PRKG1: variants seen among roughly 807,000 people sequenced by gnomAD.
PRKG1 encodes protein kinase cGMP-dependent 1, also known as cGMP-dependent protein kinase 1.
Under a neutral mutation model 88.1 loss-of-function variants are expected in PRKG1, and 35 were observed. The ratio of observed to expected loss-of-function variants is 0.40; its 90% CI spans 0.30 to 0.53. The LOEUF is 0.53. PRKG1 is among the 20% of genes least tolerant of loss of function. The pLI, the probability that PRKG1 is intolerant of heterozygous loss-of-function variation, is 0.59. For missense variants in PRKG1, 540 were observed against 839.8 expected (o/e 0.64, Z 4.41); for synonymous variants, 303 against 292.5 (o/e 1.04, Z -0.37).
intron 5 of PRKG1, among the ~76,000 whole-genome samples, chr10:51,998,922 G>A (rs1286893053): frequency 6.6e-6 from 1 of 152,146 alleles, no homozygotes. Flanking sequence ...GGGAACCCCA[G>A]AGCAATAAGC....
At chr10:51,798,469 A>T (rs1221578655) in intron 3 of PRKG1, among the ~76,000 whole-genome samples, 1 of 152,064 alleles carries the variant, frequency 6.6e-6, no homozygotes, top group East Asian at 1.9e-4. Context: ...CAACTTTGAT[A>T]AAAGGAAAAA....
intron 5 of PRKG1, among the ~76,000 whole-genome samples, chr10:51,916,140 C>T (rs1054994549): frequency 6.6e-6 from 1 of 152,096 alleles, no homozygotes; most frequent in Non-Finnish European, 1.5e-5. Flanking sequence ...TAAAATGAGC[C>T]TAAAACCTAC....
chr10:51,695,120 TC>T (rs1303407796), intron 3 of PRKG1, among the ~76,000 whole-genome samples: 6 of 152,174 alleles, frequency 3.9e-5, no homozygotes, highest in African/African-American at 1.4e-4. Context: ...AGATAGGCTG[TC>T]CCTGTGTTCA....
intron 3 of PRKG1, among the ~76,000 whole-genome samples, chr10:51,769,077 A>G (rs145339836): frequency 2.0e-5 from 3 of 152,198 alleles, no homozygotes; most frequent in Non-Finnish European, 2.9e-5. Context: ...GGTGATTTCA[A>G]TATTCACTAG....
At chr10:51,981,323 T>A (rs543424419) in intron 5 of PRKG1, among the ~76,000 whole-genome samples, 1 of 152,276 alleles carries the variant, frequency 6.6e-6, no homozygotes, top group Admixed American at 6.5e-5. Context: ...TGGTGGCTCA[T>A]GCCTATAATC....
At chr10:51,712,750 C>T (rs866958140) in intron 3 of PRKG1, among the ~76,000 whole-genome samples, 7 of 151,728 alleles carry the variant, frequency 4.6e-5, no homozygotes, top group African/African-American at 9.7e-5. Context: ...CCACCACGCC[C>T]GGCTAATTTT....
intron 2 of PRKG1, among the ~76,000 whole-genome samples, chr10:51,238,148 T>C (rs1839047436): frequency 6.6e-6 from 1 of 152,220 alleles, no homozygotes; most frequent in African/African-American, 2.4e-5. Flanking sequence ...GTTAGAAGCA[T>C]GATTCTTTTT....
chr10:51,778,985 G>T (rs1838514663), intron 3 of PRKG1, among the ~76,000 whole-genome samples: 1 of 152,072 alleles, frequency 6.6e-6, no homozygotes, highest in African/African-American at 2.4e-5. Flanking sequence ...CTTTTGCACT[G>T]GAAAAGAGGT....
intron 3 of PRKG1, among the ~76,000 whole-genome samples, chr10:51,719,832 A>G (rs926380707): frequency 2.0e-5 from 3 of 152,184 alleles, no homozygotes; most frequent in African/African-American, 7.2e-5. Flanking sequence ...AAGAAAACAA[A>G]TAAAAGAGAG....
intron 8 of PRKG1, among the ~76,000 whole-genome samples, chr10:52,141,823 A>T (rs1007929517): frequency 6.6e-6 from 1 of 152,190 alleles, no homozygotes; most frequent in Non-Finnish European, 1.5e-5. Context: ...AAAAGGGAAC[A>T]TACAAACCAG....
At chr10:51,992,557 C>A (rs1184499673) in intron 5 of PRKG1, among the ~76,000 whole-genome samples, 1 of 151,998 alleles carries the variant, frequency 6.6e-6, no homozygotes, top group Non-Finnish European at 1.5e-5. Flanking sequence ...TTTTAGATTA[C>A]CCCCAACTTT....
intron 7 of PRKG1, among the ~76,000 whole-genome samples, chr10:52,108,910 TA>T (rs57539477): frequency 1 from 150,693 of 150,696 alleles, 75,345 homozygotes; most frequent in Non-Finnish European, 1. Flanking sequence ...CACTGCAACC[TA>T]CTGCCTCCCA....
chr10:51,331,264 C>G (rs758768791), intron 2 of PRKG1, among the ~76,000 whole-genome samples: 4 of 151,976 alleles, frequency 2.6e-5, no homozygotes, highest in Non-Finnish European at 2.9e-5. Flanking sequence ...GCCAGGACTG[C>G]CTGCTGCTGA....
chr10:52,196,169 C>G (rs907632137), intron 9 of PRKG1, among the ~76,000 whole-genome samples: 1 of 152,062 alleles, frequency 6.6e-6, no homozygotes, highest in Non-Finnish European at 1.5e-5. Flanking sequence ...CCCGCCACCA[C>G]GCCTGGCTAA....
intron 1 of PRKG1, among the ~76,000 whole-genome samples, chr10:51,111,976 G>A (rs1184275129): frequency 6.6e-6 from 1 of 152,140 alleles, no homozygotes; most frequent in African/African-American, 2.4e-5. Flanking sequence ...CACCTACAGA[G>A]CCTATCTGAA....
At chr10:51,252,355 C>G (rs901952185) in intron 2 of PRKG1, among the ~76,000 whole-genome samples, 1 of 151,790 alleles carries the variant, frequency 6.6e-6, no homozygotes, top group African/African-American at 2.4e-5. Context: ...TTATCAAACA[C>G]TTGGTGCTTA....
rs1589670847 is a variant in PRKG1, at chr10:52,171,780, A to G, written c.1076+9817A>G. ...CCTTGAATAGAAGTATTTTTCTTTT[A>G]TCAAAATTTTTTTTTTTTTTTTTTT... On this transcript the variant is annotated intron_variant, in intron 9 of 17. Transcript: ENST00000373980. 4.7e-5 allele frequency among the ~76,000 whole-genome samples: 6 copies of G among 127,364 alleles called. No homozygotes were observed. In the Admixed American group the frequency reaches 4.7e-4, roughly 10 times the overall value. The allele number at this position is 127,364 out of a possible 152,430, so 83.6% of individuals were successfully genotyped here. A position where few individuals can be genotyped will look rare whatever the true frequency, so the allele number is the denominator to read the frequency against.
chr10:52,063,875 C>T (rs923161239), intron 7 of PRKG1, among the ~76,000 whole-genome samples: 1 of 152,078 alleles, frequency 6.6e-6, no homozygotes, highest in South Asian at 2.1e-4. Flanking sequence ...TGGGTAGCTC[C>T]TCTCTGCAGC....
intron 1 of PRKG1, among the ~76,000 whole-genome samples, chr10:51,018,867 C>A (rs1156515766): frequency 2.6e-5 from 4 of 152,166 alleles, no homozygotes; most frequent in Admixed American, 2.6e-4. Context: ...CTTTTCACAT[C>A]AGAAACTCTG....
Sources: allele counts gnomAD v4.1 joint callset (sites outside exome capture counted in the v4.1 genomes callset), GRCh38; gene constraint gnomAD v4.1.1; transcripts MANE v1.5; gene names NCBI Gene and HGNC (gene_info 2026-07-23, HGNC 2026-07-21).